The following ARHGEF11 variants were observed in gnomAD, a reference collection of about 807,000 sequenced individuals.
The protein encoded by ARHGEF11 is Rho guanine nucleotide exchange factor 11, also known as Rho guanine exchange factor (GEF) 11.
A neutral mutation model predicts 193.7 loss-of-function variants in ARHGEF11; 55 were observed. That is an observed-to-expected ratio of 0.28 (90% CI 0.23 to 0.36). The LOEUF is 0.36. Among genes scored for constraint, ARHGEF11 ranks in the 10% least tolerant of loss-of-function variants. ARHGEF11 has a pLI of 1.00. For synonymous variants in ARHGEF11, 693 were observed against 768.0 expected, an observed-to-expected ratio of 0.90 and a Z score of 1.62; for missense variants, 1,723 against 2,005.6, an observed-to-expected ratio of 0.86 and a Z score of 2.69.
intron 1 of ARHGEF11, among the ~76,000 whole-genome samples, chr1:157,016,920 T>G (rs1669314160): frequency 6.6e-6 from 1 of 152,010 alleles, no homozygotes; most frequent in African/African-American, 2.4e-5. Context: ...CAAGCGATCC[T>G]CCCACCTCAG....
At chr1:156,947,666 GC>G (rs34590126) in intron 25 of ARHGEF11, 102 bp downstream of exon 25, 3 of 1,463,624 alleles carry the variant, frequency 2.0e-6, no homozygotes, top group African/African-American at 1.4e-5. Flanking sequence ...GCACACAGGG[GC>G]CCCCCACCCT....
chr1:156,938,383 TG>T, intron 38 of ARHGEF11, 34 bp downstream of exon 38: 1 of 1,598,568 alleles, frequency 6.3e-7, no homozygotes, highest in Non-Finnish European at 8.6e-7. Context: ...ACTCCAGTCT[TG>T]GCCTGTCTTT....
intron 35 of ARHGEF11, 94 bp from the exon 36 acceptor site, chr1:156,940,519 C>T (rs1656608634): frequency 3.5e-6 from 4 of 1,145,816 alleles, no homozygotes; most frequent in South Asian, 3.4e-5. Context: ...GGGCTGGGAA[C>T]ACTGACTTAT....
intron 11 of ARHGEF11, among the ~76,000 whole-genome samples, chr1:156,964,086 C>T (rs953997845): frequency 6.6e-6 from 1 of 152,194 alleles, no homozygotes; most frequent in South Asian, 2.1e-4. Flanking sequence ...GGAGAGCCTA[C>T]TAGTAGATCT....
At chr1:157,038,029 CAAAAAAAAAAAAA>C (rs145416871) in intron 1 of ARHGEF11, among the ~76,000 whole-genome samples, 21 of 45,520 alleles carry the variant, frequency 4.6e-4, no homozygotes, top group South Asian at 2.6e-3. Context: ...AAGACTGTCT[CAAAAAAAAAAAAA>C]AAAAAAAAAA....
Position 156,961,692 on chromosome 1 carries a change from G to A in ARHGEF11, c.1224C>T (p.Phe408=), listed in dbSNP as rs36029227. ...ACTGCCTTACCGCATTTTTCTCCAGGAAAATATTCCAGATGTCTTTCCCCA... is the reference window on the plus strand; with the variant it reads ...ACTGCCTTACCGCATTTTTCTCCAGAAAAATATTCCAGATGTCTTTCCCCA... The part of the protein sequence containing the change: ...RSLGKDIWNI[F]LEKNAPLRVK... The change falls in exon 14 of 41, where the codon TTC becomes TTT. Residue 408 remains phenylalanine (F), a synonymous_variant. Coordinates refer to ENST00000368194, the MANE Select transcript of ARHGEF11 (RefSeq NM_198236.3). 3.1e-6 allele frequency: 5 copies of A among 1,613,952 alleles called. No individual in the cohort carries two copies. Among genetic ancestry groups the A allele is most frequent in the African/African-American group, 1.3e-5 (1 of 74,916 alleles).
rs375918708 is a variant in ARHGEF11 at position 156,940,407 on chromosome 1, C to T, written c.3533G>A (p.Arg1178Lys). ...CAGGACCTGGTGCTTCCCTTGGACC[C>T]TCTGCTGGGACCCAGTGCCTGTTTC... is the stretch of plus-strand genomic sequence containing the variant. ...ELPGGTGSQQ[R>K]VQGKHQVLLE... The change falls in exon 36 of 41, where the codon AGG becomes AAG. Residue 1178 changes from arginine to lysine, a missense_variant. By Grantham distance (26) the Arg-to-Lys change is conservative. Transcript: ENST00000368194. The T allele has an allele frequency of 5.6e-6, 9 of 1,606,234 alleles. No homozygotes were observed. In the African/African-American group the frequency reaches 1.1e-4, roughly 19 times the overall value.
At chr1:157,016,798 ATTAT>A (rs148884718) in intron 1 of ARHGEF11, among the ~76,000 whole-genome samples, 135,718 of 149,272 alleles carry the variant, frequency 0.91, 61,730 homozygotes, top group East Asian at 0.95. Flanking sequence ...TAGAGTTTTT[ATTAT>A]TTATTTATTT....
At chr1:157,036,140 AATATATGAATAC>A (rs1467246689) in intron 1 of ARHGEF11, among the ~76,000 whole-genome samples, 199 of 141,688 alleles carry the variant, frequency 1.4e-3, no homozygotes, top group African/African-American at 4.8e-3. Flanking sequence ...TATATATATG[AATATATGAATAC>A]ATATATGAAT....
intron 29 of ARHGEF11, 23 bp from the exon 30 acceptor site, chr1:156,945,220 T>A (rs190307002): frequency 1.9e-6 from 3 of 1,606,222 alleles, no homozygotes; most frequent in Non-Finnish European, 8.5e-7. Context: ...ACAGAAGAGA[T>A]GGTTGGGGCT....
intron 15 of ARHGEF11, among the ~76,000 whole-genome samples, chr1:156,960,109 C>A (rs76516948): frequency 2.6e-5 from 4 of 152,040 alleles, no homozygotes; most frequent in Non-Finnish European, 4.4e-5. Context: ...GATAAGCCAA[C>A]GGAGGCCCAG....
In ARHGEF11 at chr1:156,958,776, C is replaced by A. The variant is rs1436267966; in HGVS notation, c.1468G>T (p.Ala490Ser). 2 of 1,614,180 alleles carry A rather than the reference C, an allele frequency of 1.2e-6. No individual in the cohort carries two copies. Among genetic ancestry groups the A allele is most frequent in the East Asian group, 2.2e-5 (1 of 44,878 alleles). ...CCAAGGGCAGCCAGCTGCTTCTCAG[C>A]CACTTGGCGCTCTCGGAGAGGGTCC... Reference protein sequence around the residue: ...DGDPLRERQVAEKQLAALGDI... With the variant: ...DGDPLRERQVSEKQLAALGDI... Residue 490 changes from alanine (A) to serine (S), a missense_variant, in exon 17 of 41, where the codon GCT becomes TCT. Ala to Ser is a moderately conservative substitution (Grantham distance 99). Around this residue, in one of 5 missense-constraint regions of ARHGEF11, gnomAD observed 646 missense variants for 710.7 expected, o/e 0.91. Transcript: ENST00000368194.
rs1317880990 is a variant in ARHGEF11 at position 156,976,967 on chromosome 1, T to C, written c.582+16A>G. 2.5e-6 allele frequency: 4 copies of C among 1,610,486 alleles called. No individual in the cohort carries two copies. The highest frequency in any genetic ancestry group is 2.5e-6 in the Non-Finnish European group (3 of 1,176,934). Reference sequence around the variant, plus strand: ...CACTCAGGCAATGGCCAGTCTACCCTTGGCAGTGACCTTACCTGTAATTCT... The same window carrying C: ...CACTCAGGCAATGGCCAGTCTACCCCTGGCAGTGACCTTACCTGTAATTCT... On this transcript the variant is annotated intron_variant, in intron 7 of 40. Coordinates refer to ENST00000368194, the MANE Select transcript of ARHGEF11 (RefSeq NM_198236.3).
chr1:157,023,268 T>A (rs910891701), intron 1 of ARHGEF11, among the ~76,000 whole-genome samples: 4 of 152,132 alleles, frequency 2.6e-5, no homozygotes, highest in African/African-American at 9.7e-5. Context: ...ACAGAATCTA[T>A]AAAGAACTCT....
chr1:156,968,722 T>C (rs1315396131), intron 10 of ARHGEF11, among the ~76,000 whole-genome samples: 1 of 152,258 alleles, frequency 6.6e-6, no homozygotes, highest in Non-Finnish European at 1.5e-5. Flanking sequence ...CTTCTTCCAT[T>C]CATTCTTACT....
intron 1 of ARHGEF11, among the ~76,000 whole-genome samples, chr1:156,994,818 T>G (rs1320443762): frequency 6.6e-6 from 1 of 152,116 alleles, no homozygotes; most frequent in East Asian, 1.9e-4. Flanking sequence ...CAAACCTTAG[T>G]TTCCCAATAA....
chr1:157,011,734 A>ATATGC (rs1668571649), intron 1 of ARHGEF11, among the ~76,000 whole-genome samples: 1 of 152,230 alleles, frequency 6.6e-6, no homozygotes, highest in Middle Eastern at 3.2e-3. Context: ...GAAGAGGCTC[A>ATATGC]ATATCATTAG....
chr1:157,015,867 C>A (rs980675566), intron 1 of ARHGEF11, among the ~76,000 whole-genome samples: 1 of 152,202 alleles, frequency 6.6e-6, no homozygotes, highest in Non-Finnish European at 1.5e-5. Context: ...TGAATTTCCA[C>A]CAGGTGCCAG....
intron 1 of ARHGEF11, among the ~76,000 whole-genome samples, chr1:157,014,263 A>G (rs1418404221): frequency 6.6e-6 from 1 of 152,030 alleles, no homozygotes; most frequent in African/African-American, 2.4e-5. Flanking sequence ...TCCTACCTCT[A>G]CCTACAAGCT....
Sources: allele counts gnomAD v4.1 joint callset (sites outside exome capture counted in the v4.1 genomes callset), GRCh38; gene constraint gnomAD v4.1.1; regional missense constraint gnomAD v4.1.1; transcripts MANE v1.5; gene names NCBI Gene and HGNC (gene_info 2026-07-23, HGNC 2026-07-21).